The following CD70 variants were observed in gnomAD, a reference collection of about 807,000 sequenced individuals.
CD70 encodes the protein CD70 molecule, also known as CD70 antigen.
In CD70, 6 loss-of-function variants were observed where a neutral mutation model predicts 9.0. That is an observed-to-expected ratio of 0.67 (90% confidence interval 0.37 to 1.32). The LOEUF (loss-of-function observed/expected upper bound fraction) is 1.32. CD70 is among the 40% of genes most tolerant of loss of function. The pLI is 0.02. For missense variants in CD70, 235 were observed against 258.7 expected, an observed-to-expected ratio of 0.91 and a Z score of 0.63; for synonymous variants, 108 against 112.3, an observed-to-expected ratio of 0.96 and a Z score of 0.24.
chr19:6,590,276 T>C lies in CD70; in HGVS notation c.163-140A>G, dbSNP rs1047719681. The C allele has an allele frequency of 1.5e-6, 1 of 659,916 alleles. No individual in the cohort carries two copies. The highest frequency in any genetic ancestry group is 2.7e-6 in the Non-Finnish European group (1 of 365,964). 40.9% of individuals were successfully genotyped at this position (659,916 alleles called of 1,614,324 possible). A position where few individuals can be genotyped will look rare whatever the true frequency, so the allele number is the denominator to read the frequency against. ...GGCGCGCACTGGTGATTTTATTTCA[T>C]TTTATTTTTTTTTACTCTTAAGACT... is the stretch of plus-strand genomic sequence containing the variant. On this transcript the variant is annotated intron_variant, in intron 1 of 2. Coordinates refer to ENST00000245903, the MANE Select transcript of CD70 (RefSeq NM_001252.5). The surrounding 1 kb of genome is among the most constrained non-coding windows in gnomAD (Gnocchi z 5.3).
chr19:6,586,889 GGA>G (rs1916028513), intron 2 of CD70, among the ~76,000 whole-genome samples: 1 of 116,580 alleles, frequency 8.6e-6, no homozygotes, highest in South Asian at 3.4e-4. Flanking sequence ...AGAGACACCA[GGA>G]GAGAGAGAGA....
At chr19:6,585,757 C>A (rs968551533), downstream of CD70, 2 of 374,806 alleles carry the variant, frequency 5.3e-6, no homozygotes, top group Non-Finnish European at 9.7e-6. Flanking sequence ...TCACTGCAAC[C>A]TCCACCTCCT....
At chr19:6,584,335 C>T (rs1006950346), downstream of CD70, among the ~76,000 whole-genome samples, 25 of 149,680 alleles carry the variant, frequency 1.7e-4, no homozygotes, top group African/African-American at 4.9e-4. Context: ...TGGTGAAGCC[C>T]GTCTCTACTA....
chr19:6,585,080 A>T (rs10425142), downstream of CD70, among the ~76,000 whole-genome samples: 1 of 151,616 alleles, frequency 6.6e-6, no homozygotes. Flanking sequence ...TCCGCCTCCC[A>T]GGTTCAAGAG....
In CD70 at chr19:6,586,122, G is replaced by A. The variant is rs748896965; in HGVS notation, c.480C>T (p.Pro160=). 5.6e-6 allele frequency: 9 copies of A among 1,614,102 alleles called. No individual in the cohort carries two copies. Among genetic ancestry groups the A allele is most frequent in the South Asian group, 3.3e-5 (3 of 91,072 alleles). ...TGCAGAGTGTGTCCCCTCGGGCCAG[G>A]GGCGTCAGGCGCTGGGAGGCAATGG... is the stretch of plus-strand genomic sequence containing the variant. The part of the protein sequence containing the change: ...GCTIASQRLT[P]LARGDTLCTN... Residue 160 remains proline (P), a synonymous_variant, in exon 3 of 3, where the codon CCC becomes CCT. Transcript: ENST00000245903.
intron 2 of CD70, among the ~76,000 whole-genome samples, chr19:6,587,234 A>G (rs1916044472): frequency 7.2e-6 from 1 of 138,540 alleles, no homozygotes; most frequent in African/African-American, 2.7e-5. Flanking sequence ...GAGAGAGAGG[A>G]CGAGAGAGCT....
At chr19:6,586,902 CAAAAAAAAAAA>C (rs55803401) in intron 2 of CD70, among the ~76,000 whole-genome samples, 1 of 85,330 alleles carries the variant, frequency 1.2e-5, no homozygotes, top group African/African-American at 5.0e-5. Flanking sequence ...GAGAGAGAGA[CAAAAAAAAAAA>C]AAAAAAAAAC....
In CD70 at chr19:6,589,254, T is replaced by TC. The variant is rs1163137524; in HGVS notation, c.196+848_196+849insG. ...CTTTTCCTCTCTCTGGCTTTCTTTC[T>TC]TTTCTTTCTCTTATTTCTTTTTTTC... On this transcript the variant is annotated intron_variant, in intron 2 of 2. Coordinates refer to ENST00000245903, the MANE Select transcript of CD70 (RefSeq NM_001252.5). Among the ~76,000 whole-genome samples the TC allele has an allele frequency of 2.0e-3, 122 of 60,620 alleles. 1 individual carries two copies. Among genetic ancestry groups the TC allele is most frequent in the African/African-American group, 0.01 (117 of 11,516 alleles). 39.8% of individuals were successfully genotyped at this position (60,620 alleles called of 152,430 possible).
chr19:6,589,220 TCTC>T (rs1296491998), intron 2 of CD70, among the ~76,000 whole-genome samples: 2 of 150,520 alleles, frequency 1.3e-5, no homozygotes, highest in African/African-American at 4.9e-5. Flanking sequence ...TCTCTGTTAT[TCTC>T]CTTCTCTTTT....
At chr19:6,584,749 C>G (rs1390405002), downstream of CD70, among the ~76,000 whole-genome samples, 1 of 149,656 alleles carries the variant, frequency 6.7e-6, no homozygotes, top group Non-Finnish European at 1.5e-5. Flanking sequence ...GCTGGCGGTC[C>G]TAGCTATTTG....
At chr19:6,588,771 G>A (rs1916084045) in intron 2 of CD70, among the ~76,000 whole-genome samples, 2 of 151,932 alleles carry the variant, frequency 1.3e-5, no homozygotes, top group African/African-American at 4.8e-5. Context: ...TTTACTCTAC[G>A]TGGCATTGCT....
chr19:6,585,150 C>A (rs1366564313), downstream of CD70, among the ~76,000 whole-genome samples: 1 of 151,960 alleles, frequency 6.6e-6, no homozygotes. Flanking sequence ...CCACGCTTGG[C>A]TAATTTTTGT....
In CD70 at chr19:6,590,702, C is replaced by G. The variant is rs901192758; in HGVS notation, c.162+139G>C. 2 of 766,554 alleles carry G rather than the reference C, an allele frequency of 2.6e-6. No homozygotes were observed. The highest frequency in any genetic ancestry group is 3.5e-5 in the African/African-American group (2 of 57,030). The allele number at this position is 766,554 out of a possible 1,614,324, so 47.5% of individuals were successfully genotyped here. A position where few individuals can be genotyped will look rare whatever the true frequency, so the allele number is the denominator to read the frequency against. On this transcript the variant is annotated intron_variant, in intron 1 of 2. Coordinates refer to ENST00000245903, the MANE Select transcript of CD70 (RefSeq NM_001252.5). The surrounding 1 kb of genome is among the most constrained non-coding windows in gnomAD (Gnocchi z 5.3). Reference sequence around the variant, plus strand: ...AGCCCCTACACCGGGCAGCCTGGTCCCCGCCTCGCCTCCCTGTTCTGGTCT... The same window carrying G: ...AGCCCCTACACCGGGCAGCCTGGTCGCCGCCTCGCCTCCCTGTTCTGGTCT...
chr19:6,585,534 G>A (rs1055749977), downstream of CD70, among the ~76,000 whole-genome samples: 4 of 150,470 alleles, frequency 2.7e-5, no homozygotes, highest in African/African-American at 4.9e-5. Flanking sequence ...AGAGATGGGG[G>A]TCTCACTATG....
At chr19:6,588,241 C>A (rs1264510212) in intron 2 of CD70, among the ~76,000 whole-genome samples, 1 of 152,214 alleles carries the variant, frequency 6.6e-6, no homozygotes, top group Non-Finnish European at 1.5e-5. Context: ...ATGATATCAT[C>A]CACCAGAAGA....
intron 2 of CD70, among the ~76,000 whole-genome samples, chr19:6,587,554 G>A (rs886336052): frequency 1.3e-5 from 2 of 152,258 alleles, no homozygotes; most frequent in South Asian, 2.1e-4. Context: ...GAGAGTGCAC[G>A]AGAGAATTCC....
chr19:6,583,860 TTG>T (rs1915966558), downstream of CD70, among the ~76,000 whole-genome samples: 11 of 151,030 alleles, frequency 7.3e-5, 1 homozygote, highest in South Asian at 4.2e-4. Flanking sequence ...TGACATGATC[TTG>T]GCTCACTGCA....
intron 2 of CD70, among the ~76,000 whole-genome samples, chr19:6,587,436 GGAT>G: frequency 6.6e-6 from 1 of 152,018 alleles, no homozygotes; most frequent in East Asian, 1.9e-4. Flanking sequence ...GTGTGAGAGA[GGAT>G]GAGAGCTACA....
At chr19:6,586,902 C>CAAAAAAA (rs55803401) in intron 2 of CD70, among the ~76,000 whole-genome samples, 31 of 85,286 alleles carry the variant, frequency 3.6e-4, no homozygotes, top group South Asian at 4.4e-4. Flanking sequence ...GAGAGAGAGA[C>CAAAAAAA]AAAAAAAAAA....
Sources: gnomAD v4.1 joint callset for allele counts (sites outside exome capture counted in the v4.1 genomes callset) on GRCh38, gnomAD v4.1.1 for gene constraint, Gnocchi (gnomAD v3.1) non-coding constraint, MANE v1.5 for transcripts, NCBI Gene and HGNC (gene_info 2026-07-23, HGNC 2026-07-21) for gene names.